The following SEMA3E variants were observed in gnomAD, a reference collection of about 807,000 sequenced individuals.
SEMA3E encodes the protein semaphorin-3E.
Under a neutral mutation model 93.6 loss-of-function variants are expected in SEMA3E, and 49 were observed. The observed-to-expected ratio is 0.52, with a 90% CI of 0.42 to 0.66. The LOEUF is 0.66. Ranked by LOEUF, SEMA3E falls within the 30% of genes least tolerant of loss-of-function variation. The pLI, the probability that SEMA3E is intolerant of heterozygous loss-of-function variation, is 0.00. For synonymous variants in SEMA3E, 363 were observed against 330.7 expected, an observed-to-expected ratio of 1.10 and a Z score of -1.06; for missense variants, 906 against 964.8, an observed-to-expected ratio of 0.94 and a Z score of 0.81.
chr7:83,481,837 ATTC>A (rs1410970645), intron 2 of SEMA3E, among the ~76,000 whole-genome samples: 9 of 152,216 alleles, frequency 5.9e-5, no homozygotes, highest in African/African-American at 2.2e-4. Flanking sequence ...TGGAAAAATT[ATTC>A]TTATAAGTGT....
At chr7:83,379,896 C>A (rs1310179968) in intron 16 of SEMA3E, among the ~76,000 whole-genome samples, 1 of 151,808 alleles carries the variant, frequency 6.6e-6, no homozygotes, top group Non-Finnish European at 1.5e-5. Context: ...GTGCTATATT[C>A]TTCTTACTTT....
intron 1 of SEMA3E, among the ~76,000 whole-genome samples, chr7:83,604,571 AT>A (rs774265370): frequency 6.6e-6 from 1 of 151,176 alleles, no homozygotes; most frequent in Admixed American, 6.6e-5. Flanking sequence ...CAACTGGTAT[AT>A]AACCCAACAT....
chr7:83,481,273 G>A (rs920054740), intron 2 of SEMA3E, among the ~76,000 whole-genome samples: 2 of 151,962 alleles, frequency 1.3e-5, no homozygotes, highest in African/African-American at 4.8e-5. Flanking sequence ...TGATCAGAAA[G>A]TCTCAGATGC....
At chr7:83,432,533 T>C (rs933819293) in intron 4 of SEMA3E, among the ~76,000 whole-genome samples, 3 of 152,120 alleles carry the variant, frequency 2.0e-5, no homozygotes, top group African/African-American at 7.2e-5. Flanking sequence ...TTAAGAGAAT[T>C]ATCACCTAAA....
At chr7:83,622,452 C>T (rs1793583707) in intron 1 of SEMA3E, among the ~76,000 whole-genome samples, 1 of 152,116 alleles carries the variant, frequency 6.6e-6, no homozygotes, top group African/African-American at 2.4e-5. Context: ...ACCAGAAATA[C>T]CATTTGGCCC....
chr7:83,623,175 T>A (rs1298207303), intron 1 of SEMA3E, among the ~76,000 whole-genome samples: 1 of 151,988 alleles, frequency 6.6e-6, no homozygotes, highest in African/African-American at 2.4e-5. Flanking sequence ...TGGGAAATAA[T>A]CAAACAAGTG....
chr7:83,376,526 T>C (rs1794825045), intron 16 of SEMA3E, among the ~76,000 whole-genome samples: 1 of 151,998 alleles, frequency 6.6e-6, no homozygotes, highest in Admixed American at 6.6e-5. Context: ...CTCTAAGTTA[T>C]GTGGAATGAG....
chr7:83,574,549 TC>T (rs111338099), intron 1 of SEMA3E, among the ~76,000 whole-genome samples: 19,871 of 151,998 alleles, frequency 0.13, 1,541 homozygotes, highest in African/African-American at 0.2. Flanking sequence ...TTTTGGGTAC[TC>T]TTTACCCACA....
intron 4 of SEMA3E, among the ~76,000 whole-genome samples, chr7:83,441,839 G>A (rs1012290369): frequency 1.3e-5 from 2 of 152,164 alleles, no homozygotes; most frequent in Non-Finnish European, 2.9e-5. Context: ...TTCCAGAGAG[G>A]AAAAGGTCTG....
intron 14 of SEMA3E, among the ~76,000 whole-genome samples, chr7:83,390,976 G>T (rs1404136734): frequency 6.6e-6 from 1 of 152,108 alleles, no homozygotes; most frequent in Non-Finnish European, 1.5e-5. Flanking sequence ...ACAAAACCCT[G>T]TCATTCATAA....
intron 7 of SEMA3E, among the ~76,000 whole-genome samples, 174 bp from the exon 8 acceptor site, chr7:83,406,233 A>AT (rs943871776): frequency 1.4e-4 from 21 of 150,936 alleles, no homozygotes; most frequent in Non-Finnish European, 2.7e-4. Context: ...TTGGATTTTT[A>AT]TTTTTTTTTA....
intron 4 of SEMA3E, among the ~76,000 whole-genome samples, chr7:83,464,521 CT>C (rs1789708459): frequency 8.7e-6 from 1 of 114,456 alleles, no homozygotes; most frequent in East Asian, 4.7e-4. Context: ...CAAACTGCCA[CT>C]CTTAACCCTT....
intron 1 of SEMA3E, among the ~76,000 whole-genome samples, chr7:83,520,095 G>A (rs1188999932): frequency 1.3e-5 from 2 of 152,120 alleles, no homozygotes; most frequent in Non-Finnish European, 2.9e-5. Flanking sequence ...CCCTGCTAGG[G>A]TGGTATCTTC....
At chr7:83,602,547 A>T (rs1246438158) in intron 1 of SEMA3E, among the ~76,000 whole-genome samples, 1 of 151,240 alleles carries the variant, frequency 6.6e-6, no homozygotes, top group Non-Finnish European at 1.5e-5. Context: ...GCTTGATCTC[A>T]GCTCACTGCA....
intron 4 of SEMA3E, among the ~76,000 whole-genome samples, chr7:83,440,286 A>G (rs1789086637): frequency 6.6e-6 from 1 of 152,030 alleles, no homozygotes; most frequent in Non-Finnish European, 1.5e-5. Flanking sequence ...AGAACATAGG[A>G]GCCTATTTCT....
chr7:83,448,334 T>C (rs955836059), intron 4 of SEMA3E, among the ~76,000 whole-genome samples: 5 of 152,170 alleles, frequency 3.3e-5, no homozygotes, highest in African/African-American at 1.2e-4. Context: ...AATATCTTAG[T>C]AAACATATTC....
chr7:83,573,808 C>G (rs1792340876), intron 1 of SEMA3E, among the ~76,000 whole-genome samples: 1 of 151,730 alleles, frequency 6.6e-6, no homozygotes, highest in East Asian at 1.9e-4. Context: ...ATATCAGATA[C>G]TATACTCTTC....
intron 1 of SEMA3E, among the ~76,000 whole-genome samples, chr7:83,624,746 ATT>A (rs1793636035): frequency 6.6e-6 from 1 of 152,066 alleles, no homozygotes; most frequent in African/African-American, 2.4e-5. Context: ...ACATTTGTCA[ATT>A]TCAGCTTTTG....
chr7:83,448,692 CTG>C (rs1262366852), intron 4 of SEMA3E, among the ~76,000 whole-genome samples: 1 of 152,174 alleles, frequency 6.6e-6, no homozygotes, highest in Admixed American at 6.5e-5. Context: ...AAAACCGAAT[CTG>C]ATAACATTTC....
Sources: gnomAD v4.1 joint callset for allele counts (sites outside exome capture counted in the v4.1 genomes callset) on GRCh38, gnomAD v4.1.1 for gene constraint, MANE v1.5 for transcripts, NCBI Gene and HGNC (gene_info 2026-07-23, HGNC 2026-07-21) for gene names.